The following LRRC4C variants were observed in gnomAD, a reference collection of about 807,000 sequenced individuals.
LRRC4C encodes the protein leucine-rich repeat-containing protein 4C.
Under a neutral mutation model 33.6 loss-of-function variants are expected in LRRC4C, and 5 were observed. The ratio of observed to expected loss-of-function variants is 0.15; its 90% CI spans 0.08 to 0.31. The LOEUF is 0.31. Among genes scored for constraint, LRRC4C ranks in the 10% least tolerant of loss-of-function variants. The probability of loss-of-function intolerance (pLI) is 1.00; values close to 1 mark genes in which losing one functional copy is unlikely to be tolerated. For synonymous variants in LRRC4C, 329 were observed against 302.0 expected (o/e 1.09, Z -0.93); for missense variants, 560 against 796.7 (o/e 0.70, Z 3.58).
chr11:40,449,266 C>T (rs1951781731), intron 3 of LRRC4C, among the ~76,000 whole-genome samples: 1 of 151,356 alleles, frequency 6.6e-6, no homozygotes, highest in African/African-American at 2.4e-5. Flanking sequence ...TTCTTCTAAA[C>T]ATTGGGGTAT....
At chr11:41,250,519 T>A (rs891693766) in intron 1 of LRRC4C, among the ~76,000 whole-genome samples, 1 of 152,160 alleles carries the variant, frequency 6.6e-6, no homozygotes, top group Admixed American at 6.5e-5. Context: ...AAAATAATTA[T>A]GAAATATTGA....
At chr11:41,373,164 G>A (rs1255206178) in intron 1 of LRRC4C, among the ~76,000 whole-genome samples, 1 of 151,964 alleles carries the variant, frequency 6.6e-6, no homozygotes, top group African/African-American at 2.4e-5. Context: ...AATCTCTTGG[G>A]CTTAGACCCA....
chr11:40,862,574 A>G (rs1954156485), intron 2 of LRRC4C, among the ~76,000 whole-genome samples: 1 of 152,204 alleles, frequency 6.6e-6, no homozygotes, highest in Admixed American at 6.5e-5. Flanking sequence ...GACTGTTAAA[A>G]TACTTGGGGA....
At chr11:41,256,484 C>T (rs192745090) in intron 1 of LRRC4C, among the ~76,000 whole-genome samples, 49 of 152,020 alleles carry the variant, frequency 3.2e-4, no homozygotes, top group Admixed American at 8.5e-4. Flanking sequence ...CTGCACAATG[C>T]CCATCTGTGC....
chr11:40,756,859 G>C (rs758578284), intron 2 of LRRC4C, among the ~76,000 whole-genome samples: 6 of 151,876 alleles, frequency 4.0e-5, no homozygotes, highest in Non-Finnish European at 5.9e-5. Context: ...GGACAGCCTA[G>C]ATTTTAGCTT....
chr11:40,673,488 T>C (rs1229361162), intron 2 of LRRC4C, among the ~76,000 whole-genome samples: 1 of 152,178 alleles, frequency 6.6e-6, no homozygotes, highest in Admixed American at 6.5e-5. Context: ...AGTAATCCTT[T>C]AATTTTTTTA....
chr11:41,271,194 T>C (rs980949908), intron 1 of LRRC4C, among the ~76,000 whole-genome samples: 1 of 152,100 alleles, frequency 6.6e-6, no homozygotes, highest in African/African-American at 2.4e-5. Flanking sequence ...TCCCCAGTTC[T>C]TGTGCTTCCA....
intron 5 of LRRC4C, among the ~76,000 whole-genome samples, chr11:40,234,445 A>C (rs1389017154): frequency 2.6e-5 from 4 of 152,144 alleles, no homozygotes; most frequent in African/African-American, 9.7e-5. Context: ...AGGATGTTTT[A>C]CACAAGCTCT....
intron 1 of LRRC4C, among the ~76,000 whole-genome samples, chr11:41,346,001 CTAAG>C (rs1398527932): frequency 6.6e-6 from 1 of 152,128 alleles, no homozygotes; most frequent in Admixed American, 6.5e-5. Flanking sequence ...GGGTGACAAA[CTAAG>C]TATTCTAAGG....
intron 1 of LRRC4C, among the ~76,000 whole-genome samples, chr11:40,981,660 C>A (rs7122832): frequency 0.012 from 1,832 of 152,272 alleles, 37 homozygotes; most frequent in African/African-American, 0.042. Flanking sequence ...ATTTAGAGAT[C>A]ATTCCTTGGA....
chr11:40,302,119 C>T (rs1050193105), intron 4 of LRRC4C, among the ~76,000 whole-genome samples: 4 of 152,152 alleles, frequency 2.6e-5, no homozygotes, highest in African/African-American at 9.7e-5. Flanking sequence ...AATAAATATG[C>T]TTGTGGCTAA....
intron 2 of LRRC4C, among the ~76,000 whole-genome samples, chr11:40,890,248 C>G (rs1955641876): frequency 6.6e-6 from 1 of 152,190 alleles, no homozygotes; most frequent in Non-Finnish European, 1.5e-5. Context: ...ATATATTTCT[C>G]ACACTTCTGA....
chr11:41,187,127 G>T (rs1039226125), intron 1 of LRRC4C, among the ~76,000 whole-genome samples: 24 of 152,316 alleles, frequency 1.6e-4, no homozygotes, highest in Non-Finnish European at 3.2e-4. Context: ...GGAAGTGTTG[G>T]GAAGGGGAGG....
At chr11:40,546,567 A>C (rs1446486695) in intron 3 of LRRC4C, among the ~76,000 whole-genome samples, 4 of 152,046 alleles carry the variant, frequency 2.6e-5, no homozygotes, top group African/African-American at 9.7e-5. Flanking sequence ...TTTGCAGATG[A>C]AAAAATTTGA....
chr11:41,232,238 T>G (rs1947835119), intron 1 of LRRC4C, among the ~76,000 whole-genome samples: 1 of 152,086 alleles, frequency 6.6e-6, no homozygotes, highest in Admixed American at 6.6e-5. Flanking sequence ...TACAAAAGTG[T>G]GCCTGTCTAA....
intron 1 of LRRC4C, among the ~76,000 whole-genome samples, chr11:41,017,483 T>C (rs1220246193): frequency 6.6e-6 from 1 of 152,170 alleles, no homozygotes; most frequent in Non-Finnish European, 1.5e-5. Context: ...GATAGTATTA[T>C]TGCTAATAAT....
rs77689198 is a variant in LRRC4C at position 41,202,242 on chromosome 11, C to A, written c.-496+257189G>T. On this transcript the variant is annotated intron_variant, in intron 1 of 6. Coordinates refer to ENST00000528697, the MANE Select transcript of LRRC4C (RefSeq NM_001258419.2). Reference sequence around the variant, plus strand: ...TCTTGTCCAAATGGGTTTCTGCTAACATTGACTCAACTTTTTCTGTTTGAT... The same window carrying A: ...TCTTGTCCAAATGGGTTTCTGCTAAAATTGACTCAACTTTTTCTGTTTGAT... 8.2e-3 allele frequency among the ~76,000 whole-genome samples: 1,248 copies of A among 152,298 alleles called. 13 individuals are homozygous for A. The highest frequency in any genetic ancestry group is 0.028 in the African/African-American group (1,176 of 41,566).
At chr11:40,378,364 TA>T (rs1565329644) in intron 3 of LRRC4C, among the ~76,000 whole-genome samples, 1 of 152,026 alleles carries the variant, frequency 6.6e-6, no homozygotes, top group Non-Finnish European at 1.5e-5. Context: ...ATAATTGAAG[TA>T]CCTGATCAAG....
At chr11:40,229,931 C>A (rs913939344) in intron 5 of LRRC4C, among the ~76,000 whole-genome samples, 1 of 152,106 alleles carries the variant, frequency 6.6e-6, no homozygotes, top group Admixed American at 6.5e-5. Flanking sequence ...TTTATGATAT[C>A]TTTTATTATC....
Sources: allele counts gnomAD v4.1 joint callset (sites outside exome capture counted in the v4.1 genomes callset), GRCh38; gene constraint gnomAD v4.1.1; transcripts MANE v1.5; gene names NCBI Gene and HGNC (gene_info 2026-07-23, HGNC 2026-07-21).